The following EIF2S3B variants were observed in gnomAD, a reference collection of about 807,000 sequenced individuals.
EIF2S3B encodes the protein eukaryotic translation initiation factor 2 subunit 3B.
In EIF2S3B, 16 loss-of-function variants were observed where a neutral mutation model predicts 26.4. That is an observed-to-expected ratio of 0.61 (90% confidence interval 0.41 to 0.92). The LOEUF is 0.92. Among genes scored for constraint, EIF2S3B ranks in the 40% least tolerant of loss-of-function variants. The pLI, the probability that EIF2S3B is intolerant of heterozygous loss-of-function variation, is 0.00. For synonymous variants in EIF2S3B, 183 were observed against 204.4 expected, an observed-to-expected ratio of 0.90 and a Z score of 0.89; for missense variants, 510 against 575.5, an observed-to-expected ratio of 0.89 and a Z score of 1.16.
At chr12:10,519,996 C>A (rs1864812554) in intron 1 of EIF2S3B, among the ~76,000 whole-genome samples, 1 of 151,660 alleles carries the variant, frequency 6.6e-6, no homozygotes, top group Admixed American at 6.6e-5. Flanking sequence ...TTGACCCAGC[C>A]ATCCCATTAC....
chr12:10,512,503 C>G (rs1257131649), downstream of EIF2S3B, among the ~76,000 whole-genome samples: 1 of 152,084 alleles, frequency 6.6e-6, no homozygotes, highest in Non-Finnish European at 1.5e-5. Flanking sequence ...TCTAAATTAT[C>G]TACTAGACCT....
intron 1 of EIF2S3B, among the ~76,000 whole-genome samples, chr12:10,516,011 TAAAA>T (rs35502312): frequency 0.039 from 5,829 of 151,364 alleles, 363 homozygotes; most frequent in African/African-American, 0.13. Flanking sequence ...TAAATTTTAT[TAAAA>T]TAAATTATTT....
Position 10,506,881 on chromosome 12 carries a change from G to C in EIF2S3B, c.979G>C (p.Asp327His). The change falls in exon 1 of 1, where the codon GAT becomes CAT. Residue 327 changes from aspartate (D) to histidine (H), a missense_variant. Physicochemically the swap from Asp to His is moderately conservative, Grantham distance 81. Transcript: ENST00000538173. ...KIVSLFAEHN[D>H]LQYAAPGGLI... ...TGTTTCACTTTTTGCGGAGCATAAT[G>C]ATCTGCAATATGCTGCTCCAGGCGG... 6.2e-7 allele frequency: 1 copy of C among 1,613,680 alleles called. No homozygotes were observed. Among genetic ancestry groups the C allele is most frequent in the Non-Finnish European group, 8.5e-7 (1 of 1,179,574 alleles).
chr12:10,517,996 T>C lies in EIF2S3B; in HGVS notation c.1309-4607T>C, dbSNP rs537355509. On this transcript the variant is annotated intron_variant, in intron 1 of 1. Coordinates refer to the EIF2S3B transcript ENST00000322446. ...AGAGACAGTTTGTTATAATTTCTGT[T>C]CTTTTACATTTGCTGAGGAGAGCTT... is the stretch of plus-strand genomic sequence containing the variant. 2.6e-5 allele frequency among the ~76,000 whole-genome samples: 4 copies of C among 152,108 alleles called. No individual in the cohort carries two copies. The East Asian group carries it at 7.7e-4, about 29-fold the overall frequency.
In EIF2S3B at chr12:10,506,859, T is replaced by A. The variant is rs747978466; in HGVS notation, c.957T>A (p.Val319=). The A allele has an allele frequency of 6.1e-5, 99 of 1,613,580 alleles. No individual in the cohort carries two copies. The Admixed American group carries it at 7.7e-4, about 12-fold the overall frequency. ...GTAAATCAATCTTTTCCAAAATTGTTTCACTTTTTGCGGAGCATAATGATC... is the reference window on the plus strand; with the variant it reads ...GTAAATCAATCTTTTCCAAAATTGTATCACTTTTTGCGGAGCATAATGATC... ...LMCKSIFSKI[V]SLFAEHNDLQ... Residue 319 remains valine (V), a synonymous_variant, in exon 1 of 1, where the codon GTT becomes GTA. Coordinates refer to ENST00000538173, the MANE Select transcript of EIF2S3B (RefSeq NM_001357734.3).
At position 10,507,839 on chromosome 12, in the gene EIF2S3B, G is replaced by A. The variant is rs1269410453; in HGVS notation, c.*518G>A. On this transcript the variant is annotated 3_prime_UTR_variant, in exon 1 of 1. Transcript: ENST00000538173. ...GACCTCAGGGTGATCAGCCCACCTC[G>A]GCCTCACAAAGTGCCGGGATTACAG... 6.6e-6 allele frequency among the ~76,000 whole-genome samples: 1 copy of A among 152,100 alleles called. No homozygotes were observed. Among genetic ancestry groups the A allele is most frequent in the African/African-American group, 2.4e-5 (1 of 41,410 alleles).
chr12:10,519,648 C>T (rs1369151450), intron 1 of EIF2S3B, among the ~76,000 whole-genome samples: 1 of 152,024 alleles, frequency 6.6e-6, no homozygotes, highest in African/African-American at 2.4e-5. Flanking sequence ...ACAATGAACT[C>T]AAACAAATTT....
chr12:10,522,263 C>T lies in EIF2S3B; in HGVS notation c.1309-340C>T, dbSNP rs549580709. On this transcript the variant is annotated intron_variant, in intron 1 of 1. Transcript: ENST00000322446. Reference sequence around the variant, plus strand: ...GGCAGGAGAGTCACTCGAGCCTAGGCGTTTTAGGCTGCAGTGAGCCATGAT... The same window carrying T: ...GGCAGGAGAGTCACTCGAGCCTAGGTGTTTTAGGCTGCAGTGAGCCATGAT... Among the ~76,000 whole-genome samples, 100 of 152,156 alleles carry T rather than the reference C, an allele frequency of 6.6e-4. 2 individuals carry two copies. The highest frequency in any genetic ancestry group is 5.9e-3 in the Admixed American group (90 of 15,264).
rs771707215 is a variant in EIF2S3B, at chr12:10,505,933, G to A, written c.31G>A (p.Gly11Arg). Residue 11 changes from glycine to arginine, a missense_variant, in exon 1 of 1, where the codon GGG (glycine) becomes AGG (arginine). Gly to Arg is a moderately radical substitution (Grantham distance 125, BLOSUM62 -2). Transcript: ENST00000538173. MAGGEAGVTL[G>R]QPHLSRQDLT... ...GGGCGGAGAAGCTGGGGTGACTCTG[G>A]GGCAGCCGCACCTTTCGCGTCAGGA... 4.4e-6 allele frequency: 7 copies of A among 1,600,992 alleles called. No individual in the cohort carries two copies. Among genetic ancestry groups the A allele is most frequent in the African/African-American group, 2.7e-5 (2 of 74,670 alleles).
chr12:10,514,371 C>T (rs1039692342), intron 1 of EIF2S3B, among the ~76,000 whole-genome samples: 9 of 152,068 alleles, frequency 5.9e-5, no homozygotes, highest in African/African-American at 2.2e-4. Flanking sequence ...CTTTTTTTGT[C>T]ATCTGGCTCT....
chr12:10,516,782 C>G (rs918320647), intron 1 of EIF2S3B, among the ~76,000 whole-genome samples: 3 of 152,012 alleles, frequency 2.0e-5, no homozygotes, highest in Non-Finnish European at 4.4e-5. Context: ...TGAGATACGT[C>G]CCATCAATAC....
intron 1 of EIF2S3B, among the ~76,000 whole-genome samples, chr12:10,518,064 G>A (rs1286298019): frequency 3.9e-5 from 6 of 151,954 alleles, no homozygotes; most frequent in African/African-American, 9.7e-5. Context: ...GTGTGGTGTG[G>A]TGCTGAAAAA....
chr12:10,520,623 T>A (rs993454615), intron 1 of EIF2S3B, among the ~76,000 whole-genome samples: 1 of 152,076 alleles, frequency 6.6e-6, no homozygotes, highest in Non-Finnish European at 1.5e-5. Context: ...AACAAGAAAA[T>A]AAACAAAAAA....
intron 1 of EIF2S3B, among the ~76,000 whole-genome samples, chr12:10,514,295 T>C (rs1173953040): frequency 6.6e-6 from 1 of 152,134 alleles, no homozygotes; most frequent in African/African-American, 2.4e-5. Flanking sequence ...TGTTGACTTA[T>C]CCTAAAGATC....
Position 10,505,981 on chromosome 12 carries a change from A to G in EIF2S3B, c.79A>G (p.Lys27Glu). The G allele has an allele frequency of 6.2e-7, 1 of 1,605,894 alleles. No homozygotes were observed. Among genetic ancestry groups the G allele is most frequent in the Non-Finnish European group, 8.5e-7 (1 of 1,172,478 alleles). ...GGATCTCACCACCTTGGATGTTACC[A>G]AGTTGACGCCACTTTCACACGAAGT... ...RQDLTTLDVT[K>E]LTPLSHEVIS... is the part of the protein sequence containing the mutation. The change falls in exon 1 of 1, where the codon AAG becomes GAG. Residue 27 changes from lysine to glutamate, a missense_variant. Physicochemically the swap from Lys to Glu is moderately conservative, Grantham distance 56. Transcript: ENST00000538173.
rs777837674 is a variant in EIF2S3B at position 10,508,245 on chromosome 12, G to C, written c.*924G>C. ...CATGGGCAAATAATTTTCTCCCCTT[G>C]CTCTTCCTGGCCTGAAATACGGGAA... On this transcript the variant is annotated 3_prime_UTR_variant, in exon 1 of 1. Transcript: ENST00000538173. Among the ~76,000 whole-genome samples, 3 of 152,046 alleles carry C rather than the reference G, an allele frequency of 2.0e-5. No homozygotes were observed. The highest frequency in any genetic ancestry group is 2.9e-5 in the Non-Finnish European group (2 of 68,012).
rs1454584619 is a variant in EIF2S3B at position 10,507,564 on chromosome 12, C to T, written c.*243C>T. 3.4e-6 allele frequency: 2 copies of T among 587,132 alleles called. No homozygotes were observed. The highest frequency in any genetic ancestry group is 6.0e-6 in the Non-Finnish European group (2 of 333,602). The allele number at this position is 587,132 out of a possible 1,614,324, so 36.4% of individuals were successfully genotyped here. A position where few individuals can be genotyped will look rare whatever the true frequency, so the allele number is the denominator to read the frequency against. ...CATTTTGGCAGAAGTTAAGCATTCC[C>T]ACATAATGTCAAAATTATACATTAT... On this transcript the variant is annotated 3_prime_UTR_variant, in exon 1 of 1. Transcript: ENST00000538173.
Position 10,507,593 on chromosome 12 carries a change from GTTTT to G in EIF2S3B, c.*276_*279del. ...TAATGTCAAAATTATACATTATGCA[GTTTT>G]TTTGTTTGTTTTATTTTGTTTTGTT... On this transcript the variant is annotated 3_prime_UTR_variant, in exon 1 of 1. Coordinates refer to ENST00000538173, the MANE Select transcript of EIF2S3B (RefSeq NM_001357734.3). 3 of 554,674 alleles carry G rather than the reference GTTTT, an allele frequency of 5.4e-6. No individual in the cohort carries two copies. The East Asian group carries it at 9.0e-5, about 17-fold the overall frequency. The allele number at this position is 554,674 out of a possible 1,614,324, so 34.4% of individuals were successfully genotyped here.
In EIF2S3B at chr12:10,507,305, C is replaced by T; in HGVS notation, c.1403C>T (p.Thr468Ile). The T allele has an allele frequency of 6.2e-7, 1 of 1,613,198 alleles. No individual in the cohort carries two copies. ...QIRRGVTIKP[T>I]VDDD ...AGAAGAGGAGTGACAATCAAGCCAA[C>T]AGTAGATGATGACTGAAGAATACCG... Residue 468 changes from threonine to isoleucine, a missense_variant, in exon 1 of 1, where the codon ACA (threonine) becomes ATA (isoleucine). Coordinates refer to ENST00000538173, the MANE Select transcript of EIF2S3B (RefSeq NM_001357734.3).
Sources: gnomAD v4.1 joint callset for allele counts (sites outside exome capture counted in the v4.1 genomes callset) on GRCh38, gnomAD v4.1.1 for gene constraint, MANE v1.5 for transcripts, NCBI Gene and HGNC (gene_info 2026-07-23, HGNC 2026-07-21) for gene names.